Variants in DPYD observed in about 807,000 individuals in gnomAD.
DPYD encodes the protein dihydropyrimidine dehydrogenase [NADP(+)].
Under a neutral mutation model 116.2 loss-of-function variants are expected in DPYD, and 109 were observed. That is an observed-to-expected ratio of 0.94 (90% confidence interval 0.80 to 1.10). DPYD has a LOEUF of 1.10. Ranked by LOEUF, DPYD falls within the 50% of genes least tolerant of loss-of-function variation. The pLI, the probability that DPYD is intolerant of heterozygous loss-of-function variation, is 0.00. For missense variants in DPYD, 1,302 were observed against 1,254.5 expected, an observed-to-expected ratio of 1.04 and a Z score of -0.57; for synonymous variants, 440 against 432.0, an observed-to-expected ratio of 1.02 and a Z score of -0.23.
At chr1:97,826,143 G>A (rs955754690) in intron 3 of DPYD, among the ~76,000 whole-genome samples, 2 of 152,026 alleles carry the variant, frequency 1.3e-5, no homozygotes, top group African/African-American at 4.8e-5. Flanking sequence ...TCATAGAATG[G>A]GTGGTTGGCA....
chr1:97,652,741 GA>G (rs1465131675), intron 8 of DPYD, among the ~76,000 whole-genome samples: 6 of 152,126 alleles, frequency 3.9e-5, no homozygotes, highest in African/African-American at 1.4e-4. Flanking sequence ...AGTTTCCTAT[GA>G]TATCAATCAA....
intron 13 of DPYD, among the ~76,000 whole-genome samples, chr1:97,488,596 T>A (rs562808864): frequency 2.0e-5 from 3 of 152,218 alleles, no homozygotes; most frequent in South Asian, 2.1e-4. Context: ...TAGGTAACAC[T>A]GAGGTAGGAG....
intron 13 of DPYD, among the ~76,000 whole-genome samples, chr1:97,455,079 G>A (rs1676608675): frequency 6.6e-6 from 1 of 151,784 alleles, no homozygotes; most frequent in East Asian, 1.9e-4. Flanking sequence ...TATAAGTAAG[G>A]TAACAACTAA....
At chr1:97,191,704 C>T (rs574648675) in intron 20 of DPYD, among the ~76,000 whole-genome samples, 2 of 152,154 alleles carry the variant, frequency 1.3e-5, no homozygotes, top group East Asian at 1.9e-4. Context: ...TGGCAACCAC[C>T]CAAATTTGAG....
chr1:97,720,455 G>GA (rs1557906768), intron 5 of DPYD: 23 of 990,950 alleles, frequency 2.3e-5, no homozygotes, highest in Non-Finnish European at 2.5e-5. Context: ...ATGCAATTTT[G>GA]AATTTGGTAA....
chr1:97,324,855 TG>T (rs1445277129), intron 16 of DPYD, among the ~76,000 whole-genome samples: 1 of 152,082 alleles, frequency 6.6e-6, no homozygotes, highest in Non-Finnish European at 1.5e-5. Flanking sequence ...AAGATGGATA[TG>T]TAGACAGAGA....
Position 97,918,969 on chromosome 1 carries a change from C to T in DPYD, c.39+1915G>A, listed in dbSNP as rs1674364764. Among the ~76,000 whole-genome samples, 5 of 152,236 alleles carry T rather than the reference C, an allele frequency of 3.3e-5. No homozygotes were observed. The South Asian group carries it at 1.0e-3, about 32-fold the overall frequency. On this transcript the variant is annotated intron_variant, in intron 1 of 22. Coordinates refer to ENST00000370192, the MANE Select transcript of DPYD (RefSeq NM_000110.4). Reference sequence around the variant, plus strand: ...ATTCAAATTTGATGGAAAACTGAGCCTTTATAATTCATTCTAATTCTTCAA... The same window carrying T: ...ATTCAAATTTGATGGAAAACTGAGCTTTTATAATTCATTCTAATTCTTCAA...
intron 18 of DPYD, among the ~76,000 whole-genome samples, chr1:97,247,450 T>C (rs1424744638): frequency 1.3e-5 from 2 of 152,176 alleles, no homozygotes; most frequent in African/African-American, 2.4e-5. Context: ...AAGCTGTGCA[T>C]ATCTGTGTGG....
At chr1:97,641,398 C>T (rs1657892625) in intron 8 of DPYD, among the ~76,000 whole-genome samples, 1 of 151,988 alleles carries the variant, frequency 6.6e-6, no homozygotes, top group Non-Finnish European at 1.5e-5. Context: ...ACTTTCTAAC[C>T]ACCAAATAAA....
At chr1:97,798,045 T>G (rs1366399424) in intron 3 of DPYD, 2 of 152,074 alleles carry the variant, frequency 1.3e-5, no homozygotes, top group East Asian at 3.9e-4. Context: ...AGACAAAAGT[T>G]TATTGGATCT....
intron 1 of DPYD, among the ~76,000 whole-genome samples, chr1:97,920,233 T>A (rs1487908731): frequency 6.6e-6 from 1 of 152,186 alleles, no homozygotes. Flanking sequence ...AAAAAAGATT[T>A]TTTTTAACAG....
At chr1:97,353,736 A>C (rs190435784) in intron 16 of DPYD, among the ~76,000 whole-genome samples, 9 of 149,508 alleles carry the variant, frequency 6.0e-5, no homozygotes, top group African/African-American at 2.2e-4. Flanking sequence ...CATTTTCAGC[A>C]ATCATTTTCC....
rs1186651712 is a variant in DPYD at position 97,546,186 on chromosome 1, G to A, written c.1524+3374C>T. 4.0e-6 allele frequency: 6 copies of A among 1,498,560 alleles called. No homozygotes were observed. The African/African-American group carries it at 5.5e-5, about 14-fold the overall frequency. 92.8% of individuals were successfully genotyped at this position (1,498,560 alleles called of 1,614,324 possible). A position where few individuals can be genotyped will look rare whatever the true frequency, so the allele number is the denominator to read the frequency against. ...ACAGCCAGCAGAAGATGGGCAGGGTGAAACTAACAAGAACAGGACAAAACG... is the reference window on the plus strand; with the variant it reads ...ACAGCCAGCAGAAGATGGGCAGGGTAAAACTAACAAGAACAGGACAAAACG... On this transcript the variant is annotated intron_variant, in intron 12 of 22. Coordinates refer to ENST00000370192, the MANE Select transcript of DPYD (RefSeq NM_000110.4).
intron 14 of DPYD, among the ~76,000 whole-genome samples, chr1:97,384,354 A>T (rs72728443): frequency 0.19 from 29,035 of 151,528 alleles, 2,960 homozygotes; most frequent in South Asian, 0.37. Context: ...GGAAAGAAGC[A>T]TGTCTTTAAA....
chr1:97,431,972 T>C (rs1449628939), intron 14 of DPYD, among the ~76,000 whole-genome samples: 1 of 152,176 alleles, frequency 6.6e-6, no homozygotes, highest in Non-Finnish European at 1.5e-5. Flanking sequence ...TTTGTCTTTC[T>C]GTGCCTAGCT....
intron 3 of DPYD, among the ~76,000 whole-genome samples, chr1:97,818,641 T>C (rs1571410140): frequency 6.6e-6 from 1 of 152,158 alleles, no homozygotes; most frequent in East Asian, 1.9e-4. Context: ...ATTTGGGCCA[T>C]TTGAGCAGTG....
intron 20 of DPYD, among the ~76,000 whole-genome samples, chr1:97,149,599 C>T (rs967285641): frequency 8.5e-5 from 13 of 152,144 alleles, no homozygotes; most frequent in African/African-American, 2.9e-4. Context: ...TTTATAACAT[C>T]ATCTTGCAAC....
chr1:97,258,320 C>T (rs1663645528), intron 18 of DPYD, among the ~76,000 whole-genome samples: 1 of 152,150 alleles, frequency 6.6e-6, no homozygotes, highest in South Asian at 2.1e-4. Context: ...GCCTCTCCTG[C>T]CACCACAAGA....
At chr1:97,206,445 C>T (rs1457340070) in intron 19 of DPYD, among the ~76,000 whole-genome samples, 1 of 151,078 alleles carries the variant, frequency 6.6e-6, no homozygotes, top group African/African-American at 2.4e-5. Context: ...CTTCAGTTAG[C>T]AGATGGGTAA....
Sources: allele counts gnomAD v4.1 joint callset (sites outside exome capture counted in the v4.1 genomes callset), GRCh38; gene constraint gnomAD v4.1.1; transcripts MANE v1.5; gene names NCBI Gene and HGNC (gene_info 2026-07-23, HGNC 2026-07-21).